Variants in SCHIP1 observed in about 807,000 individuals in gnomAD.
SCHIP1 encodes schwannomin-interacting protein 1.
SCHIP1 carries 8 observed loss-of-function variants against 29.7 expected under a neutral mutation model. That is an observed-to-expected ratio of 0.27 (90% CI 0.16 to 0.49). The LOEUF (loss-of-function observed/expected upper bound fraction) is 0.49, where lower values mean the gene tolerates loss of function less well. Ranked by LOEUF, SCHIP1 falls within the 20% of genes least tolerant of loss-of-function variation. The pLI is 0.99. For missense variants in SCHIP1, 193 were observed against 294.6 expected, an observed-to-expected ratio of 0.66 and a Z score of 2.52; for synonymous variants, 76 against 94.9, an observed-to-expected ratio of 0.80 and a Z score of 1.16.
the SCHIP1 span, among the ~76,000 whole-genome samples, chr3:159,627,019 C>G: frequency 6.6e-6 from 1 of 152,170 alleles, no homozygotes; most frequent in Non-Finnish European, 1.5e-5. Flanking sequence ...TGTTCTAATG[C>G]TCTCCCTCCC....
the SCHIP1 span, among the ~76,000 whole-genome samples, chr3:159,597,545 TG>T: frequency 6.6e-6 from 1 of 152,184 alleles, no homozygotes; most frequent in Non-Finnish European, 1.5e-5. Context: ...TTTTTGGACC[TG>T]GCTTATTTCA....
At chr3:159,521,974 C>G in the SCHIP1 span, among the ~76,000 whole-genome samples, 4 of 152,150 alleles carry the variant, frequency 2.6e-5, no homozygotes, top group Non-Finnish European at 5.9e-5. Context: ...AATAAGCTTA[C>G]TTGGAAAAAT....
the SCHIP1 span, among the ~76,000 whole-genome samples, chr3:159,326,489 T>C: frequency 0.24 from 37,201 of 152,018 alleles, 4,883 homozygotes; most frequent in African/African-American, 0.33. Flanking sequence ...TATCTCTTTT[T>C]GCATCTCTGC....
the SCHIP1 span, among the ~76,000 whole-genome samples, chr3:159,578,538 A>G: frequency 9.2e-5 from 14 of 152,336 alleles, no homozygotes; most frequent in Middle Eastern, 3.4e-3. Context: ...CTACAAAATC[A>G]GTGCCTTAAA....
the SCHIP1 span, among the ~76,000 whole-genome samples, chr3:159,758,533 A>C: frequency 3.9e-5 from 6 of 152,150 alleles, no homozygotes. Flanking sequence ...AGAAAAAAAC[A>C]AGATTTTGGT....
the SCHIP1 span, chr3:159,764,946 G>T: frequency 6.7e-7 from 1 of 1,488,658 alleles, no homozygotes; most frequent in Non-Finnish European, 8.9e-7. This position sits in a 1 kb window ranked among gnomAD's most constrained non-coding sequence, Gnocchi z 6.1. Context: ...AGCCGGCTGG[G>T]GGCCGGCGCA....
chr3:159,487,916 T>C, the SCHIP1 span, among the ~76,000 whole-genome samples: 6 of 152,188 alleles, frequency 3.9e-5, no homozygotes, highest in Admixed American at 1.3e-4. Flanking sequence ...ACATGATAAT[T>C]AGACTTTATC....
At chr3:159,368,242 C>G in the SCHIP1 span, among the ~76,000 whole-genome samples, 1 of 152,194 alleles carries the variant, frequency 6.6e-6, no homozygotes, top group Non-Finnish European at 1.5e-5. Flanking sequence ...CCTGACAGCC[C>G]CTTTCTACCT....
chr3:159,486,618 A>T, the SCHIP1 span, among the ~76,000 whole-genome samples: 1 of 152,240 alleles, frequency 6.6e-6, no homozygotes, highest in Non-Finnish European at 1.5e-5. Flanking sequence ...GCACTCCCTC[A>T]GGAAGGTGGC....
At chr3:159,599,461 C>A in the SCHIP1 span, among the ~76,000 whole-genome samples, 1 of 152,148 alleles carries the variant, frequency 6.6e-6, no homozygotes, top group African/African-American at 2.4e-5. Context: ...CCTTTGCACC[C>A]TCATAGCTTA....
the SCHIP1 span, among the ~76,000 whole-genome samples, chr3:159,279,454 A>G: frequency 6.6e-6 from 1 of 152,320 alleles, no homozygotes; most frequent in Middle Eastern, 3.4e-3. Flanking sequence ...TACACATGCC[A>G]TACCTAACTG....
At chr3:159,505,421 A>T in the SCHIP1 span, among the ~76,000 whole-genome samples, 1 of 152,208 alleles carries the variant, frequency 6.6e-6, no homozygotes, top group African/African-American at 2.4e-5. Context: ...AGGTTGGGGG[A>T]CATGTGATAT....
the SCHIP1 span, among the ~76,000 whole-genome samples, chr3:159,488,496 G>T: frequency 6.6e-6 from 1 of 151,970 alleles, no homozygotes; most frequent in African/African-American, 2.4e-5. Context: ...TTTAAAAAAA[G>T]AAATATTGGC....
Position 159,861,338 on chromosome 3 carries a change from A to C in SCHIP1, c.31-4825A>C, listed in dbSNP as rs1350103236. On this transcript the variant is annotated intron_variant, in intron 1 of 6. Transcript: ENST00000445224. This position sits in a 1 kb window ranked among gnomAD's most constrained non-coding sequence, Gnocchi z 4.1. ...CTGGGGACATATTAGATTTGAAGATAGATGATACCTACCCATGCTGAACAT... is the reference window on the plus strand; with the variant it reads ...CTGGGGACATATTAGATTTGAAGATCGATGATACCTACCCATGCTGAACAT... Among the ~76,000 whole-genome samples the C allele has an allele frequency of 6.6e-6, 1 of 152,176 alleles. No individual in the cohort carries two copies. The highest frequency in any genetic ancestry group is 1.5e-5 in the Non-Finnish European group (1 of 68,032).
the SCHIP1 span, among the ~76,000 whole-genome samples, chr3:159,804,111 G>T: frequency 4.6e-5 from 7 of 152,098 alleles, no homozygotes; most frequent in African/African-American, 1.7e-4. Flanking sequence ...ACTTTCCCTG[G>T]TCCCTGCAGT....
the SCHIP1 span, among the ~76,000 whole-genome samples, chr3:159,824,521 T>A: frequency 1.9e-4 from 29 of 152,370 alleles, no homozygotes; most frequent in African/African-American, 5.5e-4. Context: ...TTATGGTGAC[T>A]AATGCTAAAT....
At chr3:159,574,487 G>A in the SCHIP1 span, among the ~76,000 whole-genome samples, 599 of 152,262 alleles carry the variant, frequency 3.9e-3, 4 homozygotes, top group African/African-American at 0.014. Flanking sequence ...TGGAAGCTTC[G>A]TCCCAGAGGG....
the SCHIP1 span, among the ~76,000 whole-genome samples, chr3:159,762,703 G>T: frequency 2.0e-5 from 3 of 152,106 alleles, no homozygotes; most frequent in African/African-American, 7.2e-5. Context: ...TCCTTAGTAG[G>T]CGCTCTGTGA....
intron 1 of SCHIP1, among the ~76,000 whole-genome samples, chr3:159,864,286 A>G (rs1428237101): frequency 6.6e-6 from 1 of 152,146 alleles, no homozygotes; most frequent in Non-Finnish European, 1.5e-5. Flanking sequence ...TCCAAGCAGT[A>G]CAGTTGCAAG....
Sources: allele counts gnomAD v4.1 joint callset (sites outside exome capture counted in the v4.1 genomes callset), GRCh38; gene constraint gnomAD v4.1.1; non-coding constraint Gnocchi (gnomAD v3.1); transcripts MANE v1.5; gene names NCBI Gene and HGNC (gene_info 2026-07-23, HGNC 2026-07-21).